BCCIP: variants seen among roughly 807,000 people sequenced by gnomAD.
The protein encoded by BCCIP is BRCA2 and CDKN1A interacting protein, also known as BRCA2 and CDKN1A-interacting protein.
Under a neutral mutation model 32.8 loss-of-function variants are expected in BCCIP, and 23 were observed. The observed-to-expected ratio is 0.70, with a 90% CI of 0.51 to 0.99. The LOEUF (loss-of-function observed/expected upper bound fraction) is 0.99. BCCIP is among the 50% of genes least tolerant of loss of function. BCCIP has a pLI of 0.00. For synonymous variants in BCCIP, 144 were observed against 137.6 expected (o/e 1.05, Z -0.33); for missense variants, 378 against 379.8 (o/e 1.00, Z 0.04).
intron 7 of BCCIP, among the ~76,000 whole-genome samples, chr10:125,850,765 A>G (rs74162861): frequency 0.087 from 13,262 of 152,286 alleles, 735 homozygotes; most frequent in South Asian, 0.22. Context: ...CCAAAGAATC[A>G]TAGATCATAC....
chr10:125,825,945 G>A (rs1028228676), intron 1 of BCCIP: 1 of 152,650 alleles, frequency 6.6e-6, no homozygotes, highest in African/African-American at 2.4e-5. Flanking sequence ...TTCTGCCTTA[G>A]GGCCTTAGTT....
chr10:125,845,729 C>T (rs1401558010), downstream of BCCIP, among the ~76,000 whole-genome samples: 2 of 152,266 alleles, frequency 1.3e-5, no homozygotes, highest in Non-Finnish European at 2.9e-5. Flanking sequence ...TCCCTGCCCA[C>T]TGGCGGGAGC....
At chr10:125,841,965 G>T in exon 7 of BCCIP, 1 of 1,546,300 alleles carries the variant, frequency 6.5e-7, no homozygotes, top group East Asian at 2.3e-5. Context: ...TAATTTAAGA[G>T]TCTCATATGG....
At chr10:125,834,690 A>G (rs2134014376) in intron 6 of BCCIP, among the ~76,000 whole-genome samples, 1 of 152,156 alleles carries the variant, frequency 6.6e-6, no homozygotes, top group South Asian at 2.1e-4. Context: ...AGATGCCTGT[A>G]ATCCCAGCTA....
At chr10:125,841,768 CA>C in exon 7 of BCCIP, 1 of 1,610,156 alleles carries the variant, frequency 6.2e-7, no homozygotes, top group Non-Finnish European at 8.5e-7. Context: ...CGATTGTTAG[CA>C]CTTCATCTAC....
downstream of BCCIP, among the ~76,000 whole-genome samples, chr10:125,840,633 G>C (rs1323891824): frequency 6.6e-6 from 1 of 152,220 alleles, no homozygotes; most frequent in Non-Finnish European, 1.5e-5. Flanking sequence ...GTACAGGCCC[G>C]CCATGGTGGC....
rs1183702644 is a variant in BCCIP, at chr10:125,852,360, G to A, written c.851-765G>A. The stretch of plus-strand genomic sequence containing the variant: ...CTATCCTCTTCATAAAAAGCACCAT[G>A]CTTGTTAGGTTGGCTTCCTGCATTT... On this transcript the variant is annotated intron_variant, in intron 7 of 7. Coordinates refer to the BCCIP transcript ENST00000368759. The A allele has an allele frequency of 5.0e-6, 8 of 1,614,186 alleles. No individual in the cohort carries two copies. Among genetic ancestry groups the A allele is most frequent in the Non-Finnish European group, 6.8e-6 (8 of 1,180,022 alleles).
chr10:125,851,163 A>T (rs913571244), intron 7 of BCCIP, among the ~76,000 whole-genome samples: 1 of 152,246 alleles, frequency 6.6e-6, no homozygotes, highest in Non-Finnish European at 1.5e-5. Flanking sequence ...CTGGATTTGC[A>T]TATTTCAATT....
downstream of BCCIP, among the ~76,000 whole-genome samples, chr10:125,845,242 A>T (rs1287369356): frequency 6.6e-6 from 1 of 152,172 alleles, no homozygotes; most frequent in East Asian, 1.9e-4. Context: ...TTGGCTCCCA[A>T]ACCCTCACAG....
At chr10:125,841,122 GTTA>G, downstream of BCCIP, 1 of 1,355,362 alleles carries the variant, frequency 7.4e-7, no homozygotes, top group Non-Finnish European at 1.0e-6. Context: ...GAATAAATAT[GTTA>G]TTCTTGTTTA....
intron 4 of BCCIP, 43 bp downstream of exon 4, chr10:125,830,694 C>T (rs1395809300): frequency 8.3e-7 from 1 of 1,209,084 alleles, no homozygotes; most frequent in African/African-American, 1.5e-5. Flanking sequence ...TTTCTTAGGC[C>T]AAAACCACTT....
chr10:125,851,943 A>ATT (rs1944095839), intron 7 of BCCIP, among the ~76,000 whole-genome samples: 3 of 145,690 alleles, frequency 2.1e-5, no homozygotes, highest in African/African-American at 7.6e-5. Context: ...AAAAAAAAAG[A>ATT]AAAGAAAAAA....
intron 3 of BCCIP, among the ~76,000 whole-genome samples, chr10:125,828,790 T>A (rs1165783813): frequency 1.3e-5 from 2 of 152,166 alleles, no homozygotes; most frequent in South Asian, 2.1e-4. Flanking sequence ...GCACAACTCA[T>A]CTGTGCTCCT....
chr10:125,827,544 T>A lies in BCCIP; in HGVS notation c.241-14T>A, dbSNP rs761608271. On this transcript the variant is annotated splice_polypyrimidine_tract_variant and intron_variant, in intron 2 of 6. Coordinates refer to ENST00000278100, the MANE Select transcript of BCCIP (RefSeq NM_078468.3). ...CTTTGATCTTAATTTAAAATAATTT[T>A]TTCCTCCTTTTAGCTTTTTCTAAAG... 28 of 1,556,536 alleles carry A rather than the reference T, an allele frequency of 1.8e-5. No individual in the cohort carries two copies. The highest frequency in any genetic ancestry group is 2.5e-5 in the Non-Finnish European group (28 of 1,133,452).
At chr10:125,829,911 G>A (rs1439393340) in intron 3 of BCCIP, among the ~76,000 whole-genome samples, 1 of 152,226 alleles carries the variant, frequency 6.6e-6, no homozygotes, top group Non-Finnish European at 1.5e-5. Context: ...AGAGACACTT[G>A]AGGTGTCCTG....
downstream of BCCIP, among the ~76,000 whole-genome samples, chr10:125,839,794 A>G (rs1342161004): frequency 6.6e-6 from 1 of 152,152 alleles, no homozygotes; most frequent in Non-Finnish European, 1.5e-5. Flanking sequence ...ACCTGTAATT[A>G]CTTAAGATGG....
At chr10:125,827,367 C>T (rs1444114591) in intron 2 of BCCIP, among the ~76,000 whole-genome samples, 191 bp from the exon 3 acceptor site, 2 of 151,860 alleles carry the variant, frequency 1.3e-5, no homozygotes. Context: ...CTACTGACTT[C>T]TTCTTTTCTG....
chr10:125,841,335 G>A, downstream of BCCIP: 1 of 1,614,138 alleles, frequency 6.2e-7, no homozygotes, highest in Non-Finnish European at 8.5e-7. Flanking sequence ...ACAATGGTTG[G>A]TCTGTTCCCC....
downstream of BCCIP, among the ~76,000 whole-genome samples, chr10:125,845,124 C>CCAAG (rs1453052999): frequency 1.3e-5 from 2 of 152,194 alleles, no homozygotes; most frequent in African/African-American, 2.4e-5. Flanking sequence ...TGAGCACAGG[C>CCAAG]CAAGTGGAGT....
Sources: gnomAD v4.1 joint callset for allele counts (sites outside exome capture counted in the v4.1 genomes callset) on GRCh38, gnomAD v4.1.1 for gene constraint, MANE v1.5 for transcripts, NCBI Gene and HGNC (gene_info 2026-07-23, HGNC 2026-07-21) for gene names.